The following NLGN4X variants were observed in gnomAD, a reference collection of about 807,000 sequenced individuals.
NLGN4X encodes neuroligin 4 X-linked.
A neutral mutation model predicts 40.3 loss-of-function variants in NLGN4X; 3 were observed. That is an observed-to-expected ratio of 0.07 (90% CI 0.03 to 0.19). NLGN4X has a LOEUF of 0.19. Ranked by LOEUF, NLGN4X falls within the 10% of genes least tolerant of loss-of-function variation. The pLI, the probability that NLGN4X is intolerant of heterozygous loss-of-function variation, is 1.00. For synonymous variants in NLGN4X, 270 were observed against 306.8 expected (o/e 0.88, Z 1.25); for missense variants, 382 against 708.3 (o/e 0.54, Z 5.23).
chrX:6,069,060 C>G (rs946067232), intron 2 of NLGN4X, among the ~76,000 whole-genome samples: 1 of 111,373 alleles, frequency 9.0e-6, no homozygotes, highest in Non-Finnish European at 1.9e-5. Context: ...GAGACTGAGG[C>G]GGGTGGATCA....
rs772487937 is a variant in NLGN4X, at chrX:6,032,918, T to C, written c.473-3486A>G. On this transcript the variant is annotated intron_variant, in intron 2 of 5. Transcript: ENST00000381095. ...ACATTTGGATTTCAAAAAAATGAGATAGGGAAATGCAAAATGCATATAAAC... is the reference window on the plus strand; with the variant it reads ...ACATTTGGATTTCAAAAAAATGAGACAGGGAAATGCAAAATGCATATAAAC... Among the ~76,000 whole-genome samples, 18 of 110,682 alleles carry C rather than the reference T, an allele frequency of 1.6e-4. No individual in the cohort carries two copies. In the South Asian group the frequency reaches 6.4e-3, roughly 39 times the overall value.
chrX:6,099,440 G>C (rs1285755621), intron 2 of NLGN4X, among the ~76,000 whole-genome samples: 1 of 112,199 alleles, frequency 8.9e-6, no homozygotes, highest in African/African-American at 3.2e-5. Flanking sequence ...AAATTACTTT[G>C]TTCTTTCTTG....
intron 3 of NLGN4X, among the ~76,000 whole-genome samples, chrX:5,942,932 T>C (rs181182014): frequency 9.9e-5 from 11 of 111,403 alleles, no homozygotes; most frequent in African/African-American, 3.6e-4. Flanking sequence ...CCCTGGTTAT[T>C]AAATCAAACA....
At chrX:6,225,173 T>G (rs1396755454) in intron 1 of NLGN4X, among the ~76,000 whole-genome samples, 1 of 105,869 alleles carries the variant, frequency 9.4e-6, no homozygotes, top group Non-Finnish European at 1.9e-5. Context: ...ATTCCTGTAT[T>G]CTTAATTTTA....
intron 1 of NLGN4X, among the ~76,000 whole-genome samples, chrX:6,209,667 T>C (rs1924384543): frequency 8.9e-6 from 1 of 111,919 alleles, no homozygotes. Flanking sequence ...CTACTAATAA[T>C]AGTTCACCAT....
chrX:6,019,637 C>A (rs752384900), intron 3 of NLGN4X, among the ~76,000 whole-genome samples: 12 of 111,395 alleles, frequency 1.1e-4, no homozygotes, highest in Admixed American at 1.9e-4. Context: ...CCTTGGGATA[C>A]TCATCATACT....
chrX:5,961,800 C>A lies in NLGN4X; in HGVS notation c.626-52561G>T, dbSNP rs991534995. The stretch of plus-strand genomic sequence containing the variant: ...CTTTAAACATATTTTTACATTTTTG[C>A]GAACCCCTGAGGTATCCTGAAGAGG... On this transcript the variant is annotated intron_variant, in intron 3 of 5. Coordinates refer to ENST00000381095, the MANE Select transcript of NLGN4X (RefSeq NM_181332.3). Among the ~76,000 whole-genome samples the A allele has an allele frequency of 6.2e-5, 7 of 112,062 alleles. No homozygotes were observed. The East Asian group carries it at 2.0e-3, about 32-fold the overall frequency.
chrX:6,214,715 T>C (rs181028783), intron 1 of NLGN4X, among the ~76,000 whole-genome samples: 1 of 111,013 alleles, frequency 9.0e-6, no homozygotes, highest in African/African-American at 3.3e-5. Flanking sequence ...CGCAACATAG[T>C]GAGACCCCGT....
intron 1 of NLGN4X, among the ~76,000 whole-genome samples, chrX:6,163,016 G>T (rs190200631): frequency 1.8e-5 from 2 of 111,438 alleles, no homozygotes; most frequent in African/African-American, 6.5e-5. Context: ...TCTCGTGATA[G>T]TAAGTCTCAT....
intron 2 of NLGN4X, among the ~76,000 whole-genome samples, chrX:6,098,167 T>C (rs1002928200): frequency 6.3e-5 from 7 of 111,084 alleles, no homozygotes; most frequent in Non-Finnish European, 1.3e-4. Flanking sequence ...TGGTTGTGGA[T>C]GTTTGTAGTT....
chrX:6,190,966 C>T (rs981662764), intron 1 of NLGN4X, among the ~76,000 whole-genome samples: 3 of 111,266 alleles, frequency 2.7e-5, no homozygotes, highest in Non-Finnish European at 5.7e-5. Flanking sequence ...ATGAGATGTA[C>T]CCCGAAGTGT....
At chrX:5,993,793 T>C (rs191588154) in intron 3 of NLGN4X, among the ~76,000 whole-genome samples, 55 of 111,763 alleles carry the variant, frequency 4.9e-4, no homozygotes, top group Admixed American at 1.4e-3. Flanking sequence ...AAAGGGACTG[T>C]GCCCTGGTCT....
At chrX:5,957,636 A>C (rs1401030083) in intron 3 of NLGN4X, among the ~76,000 whole-genome samples, 1 of 111,943 alleles carries the variant, frequency 8.9e-6, no homozygotes, top group Non-Finnish European at 1.9e-5. Flanking sequence ...AAATTGCAGG[A>C]CTTGCAAAGA....
chrX:6,133,021 G>A (rs1390442447), intron 2 of NLGN4X, among the ~76,000 whole-genome samples: 2 of 111,448 alleles, frequency 1.8e-5, no homozygotes, highest in African/African-American at 3.3e-5. Context: ...TGAGATTGAC[G>A]CATAGAAACA....
At chrX:5,997,601 CATATATATAT>C (rs369925416) in intron 3 of NLGN4X, among the ~76,000 whole-genome samples, 5 of 90,798 alleles carry the variant, frequency 5.5e-5, no homozygotes, top group South Asian at 5.2e-4. Context: ...TATATATACA[CATATATATAT>C]ACACATATAT....
At chrX:6,101,822 T>TTG (rs1422664535) in intron 2 of NLGN4X, among the ~76,000 whole-genome samples, 3 of 108,972 alleles carry the variant, frequency 2.8e-5, no homozygotes, top group African/African-American at 1.0e-4. Context: ...TACTTTTTTT[T>TTG]TTTTTGAGAC....
intron 3 of NLGN4X, among the ~76,000 whole-genome samples, chrX:5,944,104 G>A (rs911707664): frequency 8.9e-6 from 1 of 111,856 alleles, no homozygotes; most frequent in African/African-American, 3.3e-5. Context: ...GCAAAAAGTT[G>A]CTGCCAGTCT....
At chrX:5,907,693 A>G (rs1367883089) in intron 4 of NLGN4X, among the ~76,000 whole-genome samples, 1 of 110,121 alleles carries the variant, frequency 9.1e-6, no homozygotes, top group Non-Finnish European at 1.9e-5. Flanking sequence ...TCCCACGGGG[A>G]CAAGCAGAGG....
chrX:6,074,607 T>C (rs1487904443), intron 2 of NLGN4X, among the ~76,000 whole-genome samples: 1 of 111,938 alleles, frequency 8.9e-6, no homozygotes, highest in Non-Finnish European at 1.9e-5. Flanking sequence ...TTTGCATATC[T>C]GAGTTTGTGC....
Sources: allele counts gnomAD v4.1 joint callset (sites outside exome capture counted in the v4.1 genomes callset), GRCh38; gene constraint gnomAD v4.1.1; transcripts MANE v1.5; gene names NCBI Gene and HGNC (gene_info 2026-07-23, HGNC 2026-07-21).